The following TECTB variants were observed in gnomAD, a reference collection of about 807,000 sequenced individuals.
TECTB encodes the protein tectorin beta, also known as beta-tectorin.
TECTB carries 45 observed loss-of-function variants against 43.3 expected under a neutral mutation model. The observed-to-expected ratio is 1.04, with a 90% CI of 0.82 to 1.33. The LOEUF (loss-of-function observed/expected upper bound fraction) is 1.33. TECTB is among the 40% of genes most tolerant of loss of function. TECTB has a pLI of 0.00. For missense variants in TECTB, 399 were observed against 404.7 expected, an observed-to-expected ratio of 0.99 and a Z score of 0.12; for synonymous variants, 169 against 156.7, an observed-to-expected ratio of 1.08 and a Z score of -0.59.
intron 5 of TECTB, among the ~76,000 whole-genome samples, chr10:112,287,925 G>A (rs1425035103): frequency 1.3e-5 from 2 of 152,168 alleles, no homozygotes; most frequent in African/African-American, 2.4e-5. Context: ...TCTGCCCCTA[G>A]CCACACACCA....
intron 5 of TECTB, among the ~76,000 whole-genome samples, chr10:112,286,690 C>A (rs1454016787): frequency 6.6e-6 from 1 of 152,148 alleles, no homozygotes; most frequent in Admixed American, 6.6e-5. Context: ...GAGACCGAGG[C>A]AGGCAGATCA....
chr10:112,288,520 C>G (rs577924090), intron 5 of TECTB, among the ~76,000 whole-genome samples: 40 of 152,220 alleles, frequency 2.6e-4, no homozygotes, highest in African/African-American at 8.7e-4. Context: ...ACTCTGCCAT[C>G]CTGACACTTT....
At chr10:112,301,389 A>G (rs1365936103) in intron 9 of TECTB, among the ~76,000 whole-genome samples, 1 of 149,182 alleles carries the variant, frequency 6.7e-6, no homozygotes. Flanking sequence ...CCTGGGCAAC[A>G]AGAGTGAAAC....
Position 112,286,116 on chromosome 10 carries a change from G to A in TECTB, c.313G>A (p.Asp105Asn), listed in dbSNP as rs750612131. ...CTTCTACAGTCACATCGTTTCCAAT[G>A]ACACCACAGTGATTGTAAAAAACCA... ...YHFYSHIVSN[D>N]TTVIVKNQPV... Residue 105 changes from aspartate (D) to asparagine (N), a missense_variant, in exon 4 of 11, where the codon GAC becomes AAC. Asp to Asn is a conservative substitution (Grantham distance 23, BLOSUM62 1). Coordinates refer to ENST00000646139, the MANE Select transcript of TECTB (RefSeq NM_058222.3). The A allele has an allele frequency of 1.2e-6, 2 of 1,614,088 alleles. No homozygotes were observed. Among genetic ancestry groups the A allele is most frequent in the Admixed American group, 3.3e-5 (2 of 60,016 alleles).
At chr10:112,286,837 G>A (rs377092810) in intron 5 of TECTB, among the ~76,000 whole-genome samples, 183 of 152,274 alleles carry the variant, frequency 1.2e-3, no homozygotes, top group African/African-American at 4.3e-3. Flanking sequence ...CAGAAGAATT[G>A]CTTGAATCTG....
chr10:112,292,370 C>T (rs982421783), intron 5 of TECTB, among the ~76,000 whole-genome samples: 6 of 152,136 alleles, frequency 3.9e-5, no homozygotes, highest in African/African-American at 9.7e-5. Flanking sequence ...GTGCTCACAT[C>T]GTGGTGTTGA....
rs764095497 is a variant in TECTB, at chr10:112,298,174, G to C, written c.777G>C (p.Lys259Asn). The C allele has an allele frequency of 6.2e-7, 1 of 1,614,196 alleles. No individual in the cohort carries two copies. Among genetic ancestry groups the C allele is most frequent in the Non-Finnish European group, 8.5e-7 (1 of 1,180,036 alleles). ...FRFQNIPKLS[K>N]VWLHCETFIC... ...TCCAGAACATCCCCAAACTCTCCAA[G>C]GTGTGGTTACACTGTGAGACGTTCA... Residue 259 changes from lysine (K) to asparagine (N), a missense_variant, in exon 8 of 11, where the codon AAG (lysine) becomes AAC (asparagine). Physicochemically the swap from Lys to Asn is moderately conservative, Grantham distance 94. Coordinates refer to ENST00000646139, the MANE Select transcript of TECTB (RefSeq NM_058222.3).
At chr10:112,285,670 AG>A (rs1848448120) in intron 3 of TECTB, among the ~76,000 whole-genome samples, 1 of 152,138 alleles carries the variant, frequency 6.6e-6, no homozygotes, top group South Asian at 2.1e-4. Context: ...GAAGAAGGAA[AG>A]AGCAAAGAAC....
chr10:112,292,005 A>G (rs973411304), intron 5 of TECTB, among the ~76,000 whole-genome samples: 3 of 152,166 alleles, frequency 2.0e-5, no homozygotes, highest in East Asian at 1.9e-4. Context: ...GCGTGGTGGC[A>G]GGCACCTGTA....
intron 3 of TECTB, among the ~76,000 whole-genome samples, chr10:112,285,036 TC>T (rs1222321742): frequency 2.6e-5 from 4 of 152,220 alleles, no homozygotes; most frequent in Admixed American, 6.5e-5. Context: ...CCGCCATCCT[TC>T]CTAGATTGGA....
At chr10:112,302,839 G>C (rs1000771267) in intron 10 of TECTB, 2 of 180,718 alleles carry the variant, frequency 1.1e-5, no homozygotes, top group East Asian at 2.9e-4. Flanking sequence ...TTTCAGCTAA[G>C]ACCCAAGATC....
chr10:112,285,185 A>G (rs997575042), intron 3 of TECTB, among the ~76,000 whole-genome samples: 5 of 152,222 alleles, frequency 3.3e-5, no homozygotes, highest in African/African-American at 9.6e-5. Context: ...ATGGGATATC[A>G]TAAGATAATT....
Position 112,286,139 on chromosome 10 carries a change from C to A in TECTB, c.336C>A (p.Asn112Lys), listed in dbSNP as rs1415670932. Residue 112 changes from asparagine (N) to lysine (K), a missense_variant, in exon 4 of 11, where the codon AAC becomes AAA. Transcript: ENST00000646139. The part of the protein sequence containing the change: ...VSNDTTVIVK[N>K]QPVNYSFSCT... ...ATGACACCACAGTGATTGTAAAAAA[C>A]CAGCCTGTCAACTACTCCTTCTCCT... is the stretch of plus-strand genomic sequence containing the variant. The A allele has an allele frequency of 6.2e-7, 1 of 1,614,170 alleles. No individual in the cohort carries two copies.
chr10:112,290,677 T>G (rs542769830), intron 5 of TECTB, among the ~76,000 whole-genome samples: 1 of 152,312 alleles, frequency 6.6e-6, no homozygotes, highest in East Asian at 1.9e-4. Flanking sequence ...TCTCAAAATA[T>G]GACAAATCTC....
Position 112,297,165 on chromosome 10 carries a change from T to C in TECTB, c.672-904T>C, listed in dbSNP as rs143769724. Among the ~76,000 whole-genome samples, 9 of 152,234 alleles carry C rather than the reference T, an allele frequency of 5.9e-5. No individual in the cohort carries two copies. In the East Asian group the frequency reaches 1.5e-3, roughly 26 times the overall value. On this transcript the variant is annotated intron_variant, in intron 7 of 10. Coordinates refer to ENST00000646139, the MANE Select transcript of TECTB (RefSeq NM_058222.3). ...CTTGACATTTGGGGTGGGACCATTC[T>C]CCACTGTGGGGGCTGTGCTGTGCAC... is the stretch of plus-strand genomic sequence containing the variant.
intron 10 of TECTB, chr10:112,302,578 C>T: frequency 5.3e-6 from 2 of 377,930 alleles, no homozygotes; most frequent in Non-Finnish European, 9.3e-6. Context: ...CTAATAATTG[C>T]CCCTATCTAC....
rs185729120 is a variant in TECTB at position 112,283,933 on chromosome 10, T to C, written c.76+123T>C. On this transcript the variant is annotated intron_variant, in intron 2 of 10. Transcript: ENST00000646139. ...GTAATGATGTAGCCAAGCAGGAAAG[T>C]ACTTAAGCACCCCCTCCAATACCAA... is the stretch of plus-strand genomic sequence containing the variant. The C allele has an allele frequency of 1.3e-3, 1,379 of 1,033,912 alleles. 2 individuals carry two copies. Among genetic ancestry groups the C allele is most frequent in the Non-Finnish European group, 1.7e-3 (1,238 of 718,108 alleles). The allele number at this position is 1,033,912 out of a possible 1,614,324, so 64.0% of individuals were successfully genotyped here.
chr10:112,303,479 G>GA lies in TECTB; in HGVS notation c.*167_*168insA. On this transcript the variant is annotated 3_prime_UTR_variant, in exon 11 of 11. Coordinates refer to ENST00000646139, the MANE Select transcript of TECTB (RefSeq NM_058222.3). ...CAATAATTTCTGTGAATTTGGTGAT[G>GA]CCTTTTTCTTTCTAAGAAAAACTTA... 1.2e-6 allele frequency: 1 copy of GA among 806,186 alleles called. No individual in the cohort carries two copies. The highest frequency in any genetic ancestry group is 2.0e-6 in the Non-Finnish European group (1 of 506,296). 49.9% of individuals were successfully genotyped at this position (806,186 alleles called of 1,614,324 possible). A position where few individuals can be genotyped will look rare whatever the true frequency, so the allele number is the denominator to read the frequency against.
chr10:112,288,633 G>A (rs1048624283), intron 5 of TECTB, among the ~76,000 whole-genome samples: 6 of 152,098 alleles, frequency 3.9e-5, no homozygotes, highest in Non-Finnish European at 1.5e-5. Context: ...GCATTCTTAT[G>A]TGTTTCTGAA....
Sources: allele counts gnomAD v4.1 joint callset (sites outside exome capture counted in the v4.1 genomes callset), GRCh38; gene constraint gnomAD v4.1.1; transcripts MANE v1.5; gene names NCBI Gene and HGNC (gene_info 2026-07-23, HGNC 2026-07-21).